Variants in GIPC2 observed in about 807,000 individuals in gnomAD.
The protein encoded by GIPC2 is PDZ domain-containing protein GIPC2.
A neutral mutation model predicts 30.6 loss-of-function variants in GIPC2; 30 were observed. The ratio of observed to expected loss-of-function variants is 0.98; its 90% CI spans 0.73 to 1.33. The LOEUF (loss-of-function observed/expected upper bound fraction) is 1.33, where lower values mean the gene tolerates loss of function less well. Ranked by LOEUF, GIPC2 falls within the 40% of genes most tolerant of loss-of-function variation. The pLI is 0.00. For synonymous variants in GIPC2, 167 were observed against 150.0 expected, an observed-to-expected ratio of 1.11 and a Z score of -0.83; for missense variants, 414 against 390.3, an observed-to-expected ratio of 1.06 and a Z score of -0.51.
At chr1:78,097,629 A>C (rs74531981) in intron 3 of GIPC2, among the ~76,000 whole-genome samples, 2 of 152,228 alleles carry the variant, frequency 1.3e-5, no homozygotes, top group East Asian at 3.9e-4. Context: ...ACCACTAGCT[A>C]CACTCCACTT....
intron 3 of GIPC2, among the ~76,000 whole-genome samples, chr1:78,098,607 T>C (rs565021017): frequency 1.3e-5 from 2 of 152,342 alleles, no homozygotes; most frequent in East Asian, 3.9e-4. Flanking sequence ...GCTCATGGTC[T>C]AACAGGAGGC....
intron 5 of GIPC2, among the ~76,000 whole-genome samples, chr1:78,128,894 A>G (rs1162204684): frequency 6.6e-6 from 1 of 152,122 alleles, no homozygotes; most frequent in Non-Finnish European, 1.5e-5. Context: ...AGTCCTAGCC[A>G]CTTGAGAGTC....
chr1:78,117,913 CCT>C (rs1291248342), intron 3 of GIPC2, among the ~76,000 whole-genome samples: 3 of 151,522 alleles, frequency 2.0e-5, no homozygotes, highest in African/African-American at 4.9e-5. Context: ...CTCTGAGTAT[CCT>C]CTTTCTTTCC....
chr1:78,119,219 T>C (rs879696580), intron 3 of GIPC2, among the ~76,000 whole-genome samples, 174 bp from the exon 4 acceptor site: 9 of 152,264 alleles, frequency 5.9e-5, no homozygotes, highest in Admixed American at 2.6e-4. Context: ...ATAAGAATAA[T>C]GGATGACAAG....
chr1:78,095,502 G>T (rs1662121759), intron 3 of GIPC2, among the ~76,000 whole-genome samples: 2 of 152,100 alleles, frequency 1.3e-5, no homozygotes, highest in African/African-American at 4.8e-5. Flanking sequence ...GTTGCTCATG[G>T]ATCTCAGCAG....
At chr1:78,051,462 A>G (rs541476917) in intron 1 of GIPC2, among the ~76,000 whole-genome samples, 39 of 152,310 alleles carry the variant, frequency 2.6e-4, no homozygotes, top group African/African-American at 8.9e-4. Flanking sequence ...AAAGCAGTCA[A>G]AGAAAGCAGA....
intron 3 of GIPC2, among the ~76,000 whole-genome samples, chr1:78,114,271 C>T (rs1045881180): frequency 6.6e-6 from 1 of 152,178 alleles, no homozygotes; most frequent in Non-Finnish European, 1.5e-5. Context: ...CCAAGAGAAG[C>T]CTTGTGCAGA....
chr1:78,071,121 T>C (rs1661609573), intron 1 of GIPC2, among the ~76,000 whole-genome samples: 1 of 152,234 alleles, frequency 6.6e-6, no homozygotes, highest in South Asian at 2.1e-4. Flanking sequence ...TCAAAGGCAC[T>C]GTATATATAT....
intron 5 of GIPC2, among the ~76,000 whole-genome samples, chr1:78,130,604 C>T (rs1206518744): frequency 6.6e-6 from 1 of 152,068 alleles, no homozygotes; most frequent in Non-Finnish European, 1.5e-5. Context: ...GAAGACCTTC[C>T]ATAGAATGAG....
Position 78,049,114 on chromosome 1 carries a change from C to G in GIPC2, c.240+2780C>G, listed in dbSNP as rs536470167. ...GAGATTCCATTTTCATAGCCCATTT[C>G]CCCAGCAAGCAATTACCTCAGCAAT... is the stretch of plus-strand genomic sequence containing the variant. On this transcript the variant is annotated intron_variant, in intron 1 of 5. Coordinates refer to ENST00000370759, the MANE Select transcript of GIPC2 (RefSeq NM_017655.6). 3.9e-5 allele frequency among the ~76,000 whole-genome samples: 6 copies of G among 152,310 alleles called. No homozygotes were observed. In the East Asian group the frequency reaches 9.6e-4, roughly 24 times the overall value.
chr1:78,053,518 G>A (rs1661233317), intron 1 of GIPC2, among the ~76,000 whole-genome samples: 1 of 152,136 alleles, frequency 6.6e-6, no homozygotes, highest in Admixed American at 6.5e-5. Flanking sequence ...GTCTTTGCCT[G>A]GAAGGTGTTG....
intron 3 of GIPC2, among the ~76,000 whole-genome samples, chr1:78,101,821 A>G (rs563203770): frequency 2.6e-5 from 4 of 152,264 alleles, no homozygotes; most frequent in African/African-American, 9.6e-5. Flanking sequence ...AATGAGCTCA[A>G]CCTTGCAGAG....
intron 1 of GIPC2, among the ~76,000 whole-genome samples, chr1:78,061,166 C>T (rs1661384791): frequency 6.6e-6 from 1 of 152,194 alleles, no homozygotes; most frequent in South Asian, 2.1e-4. Flanking sequence ...GCCTTTGTTT[C>T]CCTGTGTCTT....
intron 2 of GIPC2, among the ~76,000 whole-genome samples, chr1:78,093,396 T>C (rs575007256): frequency 6.6e-6 from 1 of 152,356 alleles, no homozygotes; most frequent in Admixed American, 6.5e-5. Flanking sequence ...TTTGTTTAAC[T>C]ATTTCTAATG....
intron 1 of GIPC2, among the ~76,000 whole-genome samples, chr1:78,073,395 C>G (rs1042193185): frequency 6.6e-6 from 1 of 152,152 alleles, no homozygotes; most frequent in African/African-American, 2.4e-5. Context: ...TGAGCCATTG[C>G]ACCCAGACTT....
chr1:78,092,679 A>G (rs1662063509), intron 2 of GIPC2: 1 of 152,212 alleles, frequency 6.6e-6, no homozygotes, highest in Admixed American at 6.5e-5. Flanking sequence ...TATATAATCC[A>G]TGTCTCCAAC....
intron 1 of GIPC2, 61 bp from the exon 2 acceptor site, chr1:78,080,614 A>T: frequency 1.1e-6 from 1 of 873,846 alleles, no homozygotes; most frequent in Non-Finnish European, 1.8e-6. Flanking sequence ...GTTTATAAAT[A>T]AATTAACGGT....
intron 4 of GIPC2, among the ~76,000 whole-genome samples, 170 bp downstream of exon 4, chr1:78,119,669 T>C (rs1332383450): frequency 6.6e-6 from 1 of 152,052 alleles, no homozygotes; most frequent in African/African-American, 2.4e-5. Context: ...TGAGAAGAGA[T>C]TGTGATCTAT....
intron 1 of GIPC2, among the ~76,000 whole-genome samples, chr1:78,071,987 AG>A (rs1661628326): frequency 6.6e-6 from 1 of 152,222 alleles, no homozygotes; most frequent in African/African-American, 2.4e-5. Context: ...CACAGATAAT[AG>A]TTGTCAGAGA....
Sources: allele counts gnomAD v4.1 joint callset (sites outside exome capture counted in the v4.1 genomes callset), GRCh38; gene constraint gnomAD v4.1.1; transcripts MANE v1.5; gene names NCBI Gene and HGNC (gene_info 2026-07-23, HGNC 2026-07-21).